The following CASD1 variants were observed in gnomAD, a reference collection of about 807,000 sequenced individuals.
The protein encoded by CASD1 is N-acetylneuraminate (7)9-O-acetyltransferase.
CASD1 carries 41 observed loss-of-function variants against 100.0 expected under a neutral mutation model. The observed-to-expected ratio is 0.41, with a 90% CI of 0.32 to 0.53. CASD1 has a LOEUF of 0.53. Among genes scored for constraint, CASD1 ranks in the 20% least tolerant of loss-of-function variants. The pLI is 0.25. For synonymous variants in CASD1, 321 were observed against 315.6 expected (o/e 1.02, Z -0.18); for missense variants, 774 against 948.7 (o/e 0.82, Z 2.42).
At chr7:94,565,417 G>A in the CASD1 span, among the ~76,000 whole-genome samples, 1 of 152,050 alleles carries the variant, frequency 6.6e-6, no homozygotes, top group South Asian at 2.1e-4. Flanking sequence ...CTCTTTGTAA[G>A]CGTCCTAAAA....
chr7:94,616,698 A>G, the CASD1 span, among the ~76,000 whole-genome samples: 1 of 152,206 alleles, frequency 6.6e-6, no homozygotes, highest in African/African-American at 2.4e-5. Flanking sequence ...TTCTATTACC[A>G]TGATTTTATA....
chr7:94,570,368 T>C, the CASD1 span, among the ~76,000 whole-genome samples: 2 of 152,214 alleles, frequency 1.3e-5, no homozygotes. Context: ...TAAATTTGAA[T>C]TGATAACTGC....
chr7:94,522,781 C>T (rs1794352371), intron 3 of CASD1, among the ~76,000 whole-genome samples: 1 of 152,086 alleles, frequency 6.6e-6, no homozygotes, highest in South Asian at 2.1e-4. Context: ...CCTCAGCCTC[C>T]CCAGTAGCTG....
chr7:94,535,431 G>A lies in CASD1; in HGVS notation c.751G>A (p.Val251Ile). ...NSSTRNSKSNVKMFSVSKLIA... is the reference protein window; with the variant it reads ...NSSTRNSKSNIKMFSVSKLIA... ...TAGCACCAGAAATTCTAAATCAAAT[G>A]TTAAGATGTTCAGTGTTTCCAAATT... The change falls in exon 8 of 18, where the codon GTT becomes ATT. Residue 251 changes from valine (V) to isoleucine (I), a missense_variant. By Grantham distance (29) the Val-to-Ile change is conservative (BLOSUM62 3). Around this residue, in one of 5 missense-constraint regions of CASD1, gnomAD observed 453 missense variants for 532.6 expected, o/e 0.85. Coordinates refer to ENST00000297273, the MANE Select transcript of CASD1 (RefSeq NM_022900.5). 6.2e-7 allele frequency: 1 copy of A among 1,613,544 alleles called. No individual in the cohort carries two copies. Among genetic ancestry groups the A allele is most frequent in the Non-Finnish European group, 8.5e-7 (1 of 1,179,642 alleles).
chr7:94,566,648 GA>G, the CASD1 span, among the ~76,000 whole-genome samples: 6 of 152,226 alleles, frequency 3.9e-5, 1 homozygote, highest in Middle Eastern at 6.8e-3. Flanking sequence ...GGTGCATCAG[GA>G]AGCAACACTG....
the CASD1 span, among the ~76,000 whole-genome samples, chr7:94,592,369 T>A: frequency 6.6e-6 from 1 of 152,112 alleles, no homozygotes; most frequent in African/African-American, 2.4e-5. Context: ...TAAAGGCAAT[T>A]ATACAGGAGC....
chr7:94,567,200 T>G, the CASD1 span, among the ~76,000 whole-genome samples: 1 of 152,158 alleles, frequency 6.6e-6, no homozygotes, highest in Non-Finnish European at 1.5e-5. Context: ...TTTTGCTTCG[T>G]GATTGTCAGA....
rs149110917 is a variant in CASD1 at position 94,519,650 on chromosome 7, A to T, written c.351+1327A>T. On this transcript the variant is annotated intron_variant, in intron 3 of 17. Coordinates refer to ENST00000297273, the MANE Select transcript of CASD1 (RefSeq NM_022900.5). The stretch of plus-strand genomic sequence containing the variant: ...TTACAATTTAAAGTGAAAAATTTTA[A>T]TAAACTTTTATTTTTAATAATTAAA... 3.2e-3 allele frequency among the ~76,000 whole-genome samples: 482 copies of T among 152,232 alleles called. 3 individuals are homozygous for T. The highest frequency in any genetic ancestry group is 0.011 in the African/African-American group (463 of 41,578).
At chr7:94,554,708 A>C in intron 17 of CASD1, 133 bp downstream of exon 17, 2 of 527,356 alleles carry the variant, frequency 3.8e-6, no homozygotes, top group Non-Finnish European at 6.7e-6. Flanking sequence ...AACTGAAGCT[A>C]TTATGGAATT....
the CASD1 span, among the ~76,000 whole-genome samples, chr7:94,601,556 T>G: frequency 4.6e-5 from 7 of 151,138 alleles, no homozygotes; most frequent in Admixed American, 1.3e-4. Flanking sequence ...TATGCTAAGG[T>G]TTTTATTGAA....
intron 8 of CASD1, 46 bp downstream of exon 8, chr7:94,535,569 A>G (rs1253350175): frequency 5.9e-6 from 8 of 1,357,640 alleles, no homozygotes; most frequent in African/African-American, 5.8e-5. Context: ...TATAATATCA[A>G]TTGCTTTAAG....
intron 13 of CASD1, 80 bp downstream of exon 13, chr7:94,547,255 A>G: frequency 1.9e-6 from 2 of 1,050,628 alleles, no homozygotes; most frequent in South Asian, 1.8e-5. Flanking sequence ...GAGAAGAGTC[A>G]GAGCTTTTTT....
At chr7:94,524,016 T>A (rs1198166620) in intron 3 of CASD1, among the ~76,000 whole-genome samples, 1 of 152,090 alleles carries the variant, frequency 6.6e-6, no homozygotes, top group Non-Finnish European at 1.5e-5. Flanking sequence ...GATTCCTACC[T>A]CACACCATCT....
At chr7:94,543,893 G>A (rs1159920623) in intron 10 of CASD1, among the ~76,000 whole-genome samples, 2 of 152,152 alleles carry the variant, frequency 1.3e-5, no homozygotes, top group African/African-American at 2.4e-5. Context: ...GACATTAAGG[G>A]ACTTGGTCAT....
At chr7:94,521,977 G>T (rs575039189) in intron 3 of CASD1, among the ~76,000 whole-genome samples, 4 of 152,120 alleles carry the variant, frequency 2.6e-5, no homozygotes, top group Non-Finnish European at 5.9e-5. Flanking sequence ...CCCAGCTATC[G>T]GGAGGCTGAG....
chr7:94,539,875 T>G (rs1211805567), intron 10 of CASD1, among the ~76,000 whole-genome samples: 1 of 152,168 alleles, frequency 6.6e-6, no homozygotes, highest in East Asian at 1.9e-4. Flanking sequence ...ATTCAAAGAA[T>G]CCAAATACAG....
chr7:94,596,629 C>T, the CASD1 span, among the ~76,000 whole-genome samples: 2 of 152,202 alleles, frequency 1.3e-5, no homozygotes, highest in African/African-American at 2.4e-5. Context: ...TTACAGTACT[C>T]GATAACCAGG....
the CASD1 span, among the ~76,000 whole-genome samples, chr7:94,593,184 T>C: frequency 3.9e-5 from 6 of 152,264 alleles, no homozygotes; most frequent in South Asian, 4.1e-4. Context: ...TTAGAAGACT[T>C]AATTCTACTT....
intron 10 of CASD1, among the ~76,000 whole-genome samples, chr7:94,539,601 A>G (rs1337256294): frequency 4.7e-5 from 7 of 149,940 alleles, no homozygotes. Flanking sequence ...CCCAGGGGAT[A>G]GAGGTTGCAA....
Sources: gnomAD v4.1 joint callset for allele counts (sites outside exome capture counted in the v4.1 genomes callset) on GRCh38, gnomAD v4.1.1 for gene constraint, gnomAD v4.1.1 regional missense constraint, MANE v1.5 for transcripts, NCBI Gene and HGNC (gene_info 2026-07-23, HGNC 2026-07-21) for gene names.